Variants in ANKRD17 observed in about 807,000 individuals in gnomAD.
ANKRD17 encodes ankyrin repeat domain-containing protein 17.
Under a neutral mutation model 229.7 loss-of-function variants are expected in ANKRD17, and 19 were observed. The observed-to-expected ratio is 0.08, with a 90% CI of 0.06 to 0.12. The LOEUF (loss-of-function observed/expected upper bound fraction) is 0.12, where lower values mean the gene tolerates loss of function less well. Ranked by LOEUF, ANKRD17 falls within the 10% of genes least tolerant of loss-of-function variation. The pLI is 1.00. For missense variants in ANKRD17, 2,176 were observed against 3,176.8 expected (o/e 0.68, Z 7.57); for synonymous variants, 1,112 against 1,146.1 (o/e 0.97, Z 0.60).
intron 29 of ANKRD17, among the ~76,000 whole-genome samples, chr4:73,089,951 CAT>C (rs1403574930): frequency 1.3e-5 from 2 of 151,672 alleles, no homozygotes. Context: ...TATTGGCTAC[CAT>C]ATCAGACTGT....
At chr4:73,106,584 T>A (rs1188280334) in intron 24 of ANKRD17, among the ~76,000 whole-genome samples, 5 of 151,972 alleles carry the variant, frequency 3.3e-5, no homozygotes, top group African/African-American at 1.2e-4. Context: ...CACCTGTGTA[T>A]TAAAAAAATA....
intron 8 of ANKRD17, among the ~76,000 whole-genome samples, chr4:73,148,019 T>C (rs1730519237): frequency 6.6e-6 from 1 of 151,878 alleles, no homozygotes; most frequent in South Asian, 2.1e-4. Context: ...GTATTAACTA[T>C]CACAACAACC....
intron 1 of ANKRD17, among the ~76,000 whole-genome samples, chr4:73,233,361 A>AT (rs1468841680): frequency 6.6e-6 from 1 of 152,170 alleles, no homozygotes; most frequent in African/African-American, 2.4e-5. Flanking sequence ...ATTCTACTCC[A>AT]TAACTATAAT....
rs1365868262 is a variant in ANKRD17 at position 73,258,658 on chromosome 4, G to A, written c.11C>T (p.Ala4Val). The change falls in exon 1 of 34, where the codon GCG becomes GTG. Residue 4 changes from alanine to valine, a missense_variant. Physicochemically the swap from Ala to Val is moderately conservative, Grantham distance 64 (BLOSUM62 0). This residue lies in a region of ANKRD17 where 196 missense variants were observed against 190.0 expected (regional missense o/e 1.03). Coordinates refer to ENST00000358602, the MANE Select transcript of ANKRD17 (RefSeq NM_032217.5). The part of the protein sequence containing the change: MEK[A>V]TVPVAAATAA... Reference sequence around the variant, plus strand: ...CGTCGCCGCCGCCACCGGAACCGTCGCCTTCTCCATCCCCAGGGAAAGAGG... The same window carrying A: ...CGTCGCCGCCGCCACCGGAACCGTCACCTTCTCCATCCCCAGGGAAAGAGG... 6.8e-7 allele frequency: 1 copy of A among 1,480,366 alleles called. No individual in the cohort carries two copies. The highest frequency in any genetic ancestry group is 2.4e-5 in the Admixed American group (1 of 42,328). 91.7% of individuals were successfully genotyped at this position (1,480,366 alleles called of 1,614,324 possible). A position where few individuals can be genotyped will look rare whatever the true frequency, so the allele number is the denominator to read the frequency against.
At chr4:73,161,900 A>T (rs1387605884) in intron 2 of ANKRD17, among the ~76,000 whole-genome samples, 1 of 152,004 alleles carries the variant, frequency 6.6e-6, no homozygotes, top group African/African-American at 2.4e-5. Flanking sequence ...TTTTCGAGAC[A>T]GGGTCTTATT....
chr4:73,200,153 A>G (rs1490411673), intron 1 of ANKRD17, among the ~76,000 whole-genome samples: 1 of 152,230 alleles, frequency 6.6e-6, no homozygotes, highest in East Asian at 1.9e-4. Flanking sequence ...GAAATTTTTT[A>G]TAAAGTACCA....
chr4:73,104,022 A>G (rs1724319541), intron 24 of ANKRD17: 1 of 152,172 alleles, frequency 6.6e-6, no homozygotes, highest in Non-Finnish European at 1.5e-5. Flanking sequence ...GGTGAGAGAT[A>G]AGTCTTGTTC....
rs369232765 is a variant in ANKRD17 at position 73,151,113 on chromosome 4, C to T, written c.1329+317G>A. Reference sequence around the variant, plus strand: ...TGGCATCCATTTTAATTTGTTAATCCAATCCTCCCACCTTGGTCTCCCAAA... The same window carrying T: ...TGGCATCCATTTTAATTTGTTAATCTAATCCTCCCACCTTGGTCTCCCAAA... On this transcript the variant is annotated intron_variant, in intron 7 of 33. Transcript: ENST00000358602. 2.4e-4 allele frequency among the ~76,000 whole-genome samples: 36 copies of T among 151,984 alleles called. 1 individual carries two copies. In the South Asian group the frequency reaches 5.4e-3, roughly 23 times the overall value.
chr4:73,078,361 A>T (rs1297545694), intron 31 of ANKRD17, among the ~76,000 whole-genome samples: 1 of 151,098 alleles, frequency 6.6e-6, no homozygotes, highest in African/African-American at 2.4e-5. Context: ...TGGGTTACAG[A>T]GCGAGACTCC....
chr4:73,113,048 A>C lies in ANKRD17; in HGVS notation c.4401+744T>G, dbSNP rs1197127826. ...GGTGATGTGCCCGCCTCGGCCTCCC[A>C]AAGTGCTGGGAATACAGGCGTGAGC... On this transcript the variant is annotated intron_variant, in intron 24 of 33. Transcript: ENST00000358602. The C allele has an allele frequency of 2.7e-6, 3 of 1,104,290 alleles. No homozygotes were observed. The East Asian group carries it at 2.1e-4, about 77-fold the overall frequency. The allele number at this position is 1,104,290 out of a possible 1,614,324, so 68.4% of individuals were successfully genotyped here.
At chr4:73,134,586 C>T (rs935660658) in intron 16 of ANKRD17, among the ~76,000 whole-genome samples, 1 of 152,110 alleles carries the variant, frequency 6.6e-6, no homozygotes, top group African/African-American at 2.4e-5. Flanking sequence ...GTGTCCTCCC[C>T]CCACTCCATG....
At chr4:73,219,294 G>T (rs1461180093) in intron 1 of ANKRD17, among the ~76,000 whole-genome samples, 2 of 152,104 alleles carry the variant, frequency 1.3e-5, no homozygotes, top group African/African-American at 4.8e-5. Context: ...GTATAGAAAT[G>T]ATGTGCATTA....
Position 73,228,441 on chromosome 4 carries a change from T to C in ANKRD17, c.393+29835A>G, listed in dbSNP as rs558067024. Among the ~76,000 whole-genome samples the C allele has an allele frequency of 6.6e-5, 10 of 152,298 alleles. No homozygotes were observed. In the East Asian group the frequency reaches 1.7e-3, roughly 26 times the overall value. On this transcript the variant is annotated intron_variant, in intron 1 of 33. Coordinates refer to ENST00000358602, the MANE Select transcript of ANKRD17 (RefSeq NM_032217.5). ...TTATTTTCTTCTTTATTAACTATGA[T>C]TTTTATGTAAAAGTAATACATGTAC...
At chr4:73,141,699 C>T (rs1729629629) in intron 14 of ANKRD17, 42 bp downstream of exon 14, 2 of 1,545,530 alleles carry the variant, frequency 1.3e-6, no homozygotes, top group African/African-American at 1.4e-5. Flanking sequence ...TTATTTTTAC[C>T]TGGACACCAA....
intron 1 of ANKRD17, among the ~76,000 whole-genome samples, chr4:73,196,950 A>ATGTATG (rs528257970): frequency 2.0e-5 from 3 of 152,290 alleles, no homozygotes; most frequent in Non-Finnish European, 2.9e-5. Context: ...ATATATACAC[A>ATGTATG]TGTATGTGTA....
At chr4:73,252,707 G>C (rs1745135406) in intron 1 of ANKRD17, among the ~76,000 whole-genome samples, 1 of 151,872 alleles carries the variant, frequency 6.6e-6, no homozygotes, top group Admixed American at 6.6e-5. Flanking sequence ...AATAAGGAGA[G>C]ATTACCTTGA....
chr4:73,076,359 A>C, intron 33 of ANKRD17, 69 bp from the exon 34 acceptor site: 1 of 1,266,784 alleles, frequency 7.9e-7, no homozygotes, highest in African/African-American at 1.6e-5. Flanking sequence ...TAAAACTTTT[A>C]AAAAACTAAG....
chr4:73,211,847 C>CAA (rs567271450), intron 1 of ANKRD17, among the ~76,000 whole-genome samples: 127 of 49,614 alleles, frequency 2.6e-3, no homozygotes, highest in Non-Finnish European at 4.0e-3. Context: ...AACTCTGTCT[C>CAA]AAAAAAAAAA....
intron 29 of ANKRD17, among the ~76,000 whole-genome samples, chr4:73,088,010 G>A (rs566854000): frequency 2.0e-5 from 3 of 152,000 alleles, no homozygotes; most frequent in East Asian, 1.9e-4. Context: ...GGGAGTGAGG[G>A]AGAGAGTTTG....
Sources: allele counts gnomAD v4.1 joint callset (sites outside exome capture counted in the v4.1 genomes callset), GRCh38; gene constraint gnomAD v4.1.1; regional missense constraint gnomAD v4.1.1; transcripts MANE v1.5; gene names NCBI Gene and HGNC (gene_info 2026-07-23, HGNC 2026-07-21).